Variants in CMC2 observed in about 807,000 individuals in gnomAD.
The protein encoded by CMC2 is C-X9-C motif containing 2, also known as COX assembly mitochondrial protein 2 homolog.
A neutral mutation model predicts 7.5 loss-of-function variants in CMC2; 5 were observed. The ratio of observed to expected loss-of-function variants is 0.66; its 90% CI spans 0.35 to 1.40. The LOEUF (loss-of-function observed/expected upper bound fraction) is 1.40. Among genes scored for constraint, CMC2 ranks in the 40% most tolerant of loss-of-function variants. The pLI is 0.04. For missense variants in CMC2, 115 were observed against 92.3 expected (o/e 1.25, Z -1.01); for synonymous variants, 37 against 31.4 (o/e 1.18, Z -0.60).
rs1223942113 is a variant in CMC2 at position 80,974,827 on chromosome 16, GA to G, written c.*1265del. 7 of 152,234 alleles carry G rather than the reference GA, an allele frequency of 4.6e-5. No homozygotes were observed. Among genetic ancestry groups the G allele is most frequent in the Non-Finnish European group, 8.8e-5 (6 of 68,050 alleles). The allele number at this position is 152,234 out of a possible 1,614,324, so 9.4% of individuals were successfully genotyped here. On this transcript the variant is annotated 3_prime_UTR_variant, in exon 4 of 4. Coordinates refer to ENST00000219400, the MANE Select transcript of CMC2 (RefSeq NM_020188.5). ...ACACTTTGTCTTGGAAGGTACTTCA[GA>G]ATTAATTCTGGTTCTTTCCCCATCC...
At chr16:80,993,647 G>T (rs991171797) in intron 2 of CMC2, among the ~76,000 whole-genome samples, 1 of 152,180 alleles carries the variant, frequency 6.6e-6, no homozygotes, top group Admixed American at 6.5e-5. Flanking sequence ...CATTGAATAT[G>T]CAAGTCAATC....
chr16:81,004,496 C>G (rs74028894), intron 1 of CMC2, among the ~76,000 whole-genome samples: 5,351 of 152,204 alleles, frequency 0.035, 313 homozygotes, highest in African/African-American at 0.12. Context: ...AAGAAAACAT[C>G]AAAAAGGTAA....
Position 80,995,594 on chromosome 16 carries a change from T to C in CMC2, c.81+1720A>G, listed in dbSNP as rs545341882. ...AACACTTGAACCTGGGAGGCGGAGG[T>C]TGCAGTGAGCCAAGATCGCGCCACT... On this transcript the variant is annotated intron_variant, in intron 2 of 3. Transcript: ENST00000219400. Among the ~76,000 whole-genome samples the C allele has an allele frequency of 3.3e-5, 5 of 151,986 alleles. No individual in the cohort carries two copies. In the East Asian group the frequency reaches 5.8e-4, roughly 18 times the overall value.
intron 2 of CMC2, among the ~76,000 whole-genome samples, chr16:80,996,165 G>A (rs148154569): frequency 1.1e-3 from 174 of 152,252 alleles, no homozygotes; most frequent in African/African-American, 4.0e-3. Flanking sequence ...AATATGATGC[G>A]ATAATATCCT....
At chr16:80,984,062 A>T (rs1330004454) in intron 2 of CMC2, 1 of 152,236 alleles carries the variant, frequency 6.6e-6, no homozygotes, top group Non-Finnish European at 1.5e-5. Flanking sequence ...TTACAATATA[A>T]GGAAATCTGC....
intron 2 of CMC2, chr16:80,982,796 A>G (rs1967227221): frequency 6.5e-6 from 1 of 153,670 alleles, no homozygotes; most frequent in Non-Finnish European, 1.4e-5. Context: ...TTATCCACTT[A>G]TAACACCCTG....
At chr16:81,005,299 C>A (rs1969189503) in intron 1 of CMC2, among the ~76,000 whole-genome samples, 1 of 152,100 alleles carries the variant, frequency 6.6e-6, no homozygotes, top group African/African-American at 2.4e-5. Flanking sequence ...GTAACCCTAG[C>A]TACTCAGGAG....
rs1911926499 is a variant in CMC2, at chr16:80,971,582, A to ATATATATATG, written c.*4510_*4511insCATATATATA. 7.3e-6 allele frequency: 1 copy of ATATATATATG among 137,122 alleles called. No individual in the cohort carries two copies. The highest frequency in any genetic ancestry group is 2.8e-5 in the African/African-American group (1 of 35,298). The allele number at this position is 137,122 out of a possible 1,614,324, so 8.5% of individuals were successfully genotyped here. On this transcript the variant is annotated 3_prime_UTR_variant, in exon 4 of 4. Coordinates refer to ENST00000219400, the MANE Select transcript of CMC2 (RefSeq NM_020188.5). ...ATACATTTTATATATATATATATAT[A>ATATATATATG]TATGTATGAAATCATGCATATATAT... is the stretch of plus-strand genomic sequence containing the variant.
intron 1 of CMC2, chr16:80,998,683 A>C (rs1968617842): frequency 6.6e-6 from 1 of 152,354 alleles, no homozygotes; most frequent in Admixed American, 6.5e-5. Flanking sequence ...ATGGAATACT[A>C]TTCAGCCTTA....
At chr16:81,001,841 A>AACACAC (rs72159358) in intron 1 of CMC2, among the ~76,000 whole-genome samples, 4 of 150,176 alleles carry the variant, frequency 2.7e-5, no homozygotes, top group Non-Finnish European at 5.9e-5. Flanking sequence ...GTAACTACTA[A>AACACAC]ACACACACAC....
At chr16:80,997,131 A>T (rs1968487178) in intron 2 of CMC2, 183 bp downstream of exon 2, 1 of 598,616 alleles carries the variant, frequency 1.7e-6, no homozygotes, top group African/African-American at 1.9e-5. Flanking sequence ...TACTAATCAT[A>T]AAAGGAGGTA....
At chr16:80,992,742 CTT>C (rs1393894354) in intron 2 of CMC2, among the ~76,000 whole-genome samples, 1 of 138,882 alleles carries the variant, frequency 7.2e-6, no homozygotes, top group Non-Finnish European at 1.5e-5. Flanking sequence ...CAGGGTCTCA[CTT>C]TGTCACACAG....
Position 80,972,723 on chromosome 16 carries a change from T to C in CMC2, c.*3370A>G, listed in dbSNP as rs1912014841. The C allele has an allele frequency of 6.6e-6, 1 of 152,204 alleles. No homozygotes were observed. Among genetic ancestry groups the C allele is most frequent in the Non-Finnish European group, 1.5e-5 (1 of 68,040 alleles). The allele number at this position is 152,204 out of a possible 1,614,324, so 9.4% of individuals were successfully genotyped here. On this transcript the variant is annotated 3_prime_UTR_variant, in exon 4 of 4. Coordinates refer to ENST00000219400, the MANE Select transcript of CMC2 (RefSeq NM_020188.5). ...GTCTCTTATGACCCAAAAGTTTACT[T>C]ATCGTCTGCAAGTCCACAGTAAGGA...
rs1912050388 is a variant in CMC2, at chr16:80,973,190, G to C, written c.*2903C>G. The C allele has an allele frequency of 6.6e-6, 1 of 152,252 alleles. No homozygotes were observed. Among genetic ancestry groups the C allele is most frequent in the Non-Finnish European group, 1.5e-5 (1 of 68,094 alleles). 9.4% of individuals were successfully genotyped at this position (152,252 alleles called of 1,614,324 possible). A position where few individuals can be genotyped will look rare whatever the true frequency, so the allele number is the denominator to read the frequency against. ...TCTATGGAAAGGCAGGATGTACAGG[G>C]AGCCAGAGAATGGGGCCGGCTTGGG... On this transcript the variant is annotated 3_prime_UTR_variant, in exon 4 of 4. Transcript: ENST00000219400.
chr16:81,005,031 C>T (rs1405972615), intron 1 of CMC2, among the ~76,000 whole-genome samples: 1 of 152,198 alleles, frequency 6.6e-6, no homozygotes, highest in African/African-American at 2.4e-5. Flanking sequence ...ATTTCTAATG[C>T]TACTGCAAAA....
intron 2 of CMC2, among the ~76,000 whole-genome samples, chr16:80,995,147 A>G (rs1450845559): frequency 1.3e-5 from 2 of 152,118 alleles, no homozygotes; most frequent in South Asian, 2.1e-4. Context: ...CTCTGTCTCA[A>G]AAACAAATGA....
chr16:80,984,595 TTCCTC>T (rs1276287477), intron 2 of CMC2, among the ~76,000 whole-genome samples: 3 of 152,242 alleles, frequency 2.0e-5, no homozygotes, highest in Admixed American at 2.0e-4. Flanking sequence ...ACTTTTTTCT[TTCCTC>T]TATCATTCCC....
chr16:81,006,626 C>A, intron 1 of CMC2, 108 bp downstream of exon 1: 1 of 855,920 alleles, frequency 1.2e-6, no homozygotes, highest in South Asian at 5.3e-5. Context: ...TGGTCCCCAC[C>A]TCCTGGGGCC....
chr16:81,005,748 G>A (rs961001700), intron 1 of CMC2, among the ~76,000 whole-genome samples: 1 of 152,156 alleles, frequency 6.6e-6, no homozygotes, highest in African/African-American at 2.4e-5. Context: ...ATGCGCCCTC[G>A]CAGCTTTCCC....
Sources: allele counts gnomAD v4.1 joint callset (sites outside exome capture counted in the v4.1 genomes callset), GRCh38; gene constraint gnomAD v4.1.1; transcripts MANE v1.5; gene names NCBI Gene and HGNC (gene_info 2026-07-23, HGNC 2026-07-21).